OSBPL8: variants seen among roughly 807,000 people sequenced by gnomAD.
The protein encoded by OSBPL8 is oxysterol binding protein like 8.
OSBPL8 carries 59 observed loss-of-function variants against 125.5 expected under a neutral mutation model. The observed-to-expected ratio is 0.47, with a 90% CI of 0.38 to 0.58. The LOEUF (loss-of-function observed/expected upper bound fraction) is 0.58. OSBPL8 is among the 20% of genes least tolerant of loss of function. OSBPL8 has a pLI of 0.00. For synonymous variants in OSBPL8, 330 were observed against 338.9 expected, an observed-to-expected ratio of 0.97 and a Z score of 0.29; for missense variants, 758 against 1,047.8, an observed-to-expected ratio of 0.72 and a Z score of 3.82.
intron 2 of OSBPL8, among the ~76,000 whole-genome samples, chr12:76,481,007 A>C (rs528829874): frequency 6.6e-6 from 1 of 152,314 alleles, no homozygotes; most frequent in East Asian, 1.9e-4. Flanking sequence ...GGCCTAAATG[A>C]GCAGCAGGGC....
intron 1 of OSBPL8, among the ~76,000 whole-genome samples, chr12:76,518,782 C>T (rs1043446783): frequency 5.3e-5 from 8 of 152,206 alleles, no homozygotes; most frequent in Non-Finnish European, 1.2e-4. Context: ...CCCTTTGAGC[C>T]GAGGCTGGAG....
At position 76,369,100 on chromosome 12, in the gene OSBPL8, G is replaced by A. The variant is rs150032648; in HGVS notation, c.2328+114C>T. 4.9e-5 allele frequency: 66 copies of A among 1,359,774 alleles called. No individual in the cohort carries two copies. The Admixed American group carries it at 7.1e-4, about 15-fold the overall frequency. 84.2% of individuals were successfully genotyped at this position (1,359,774 alleles called of 1,614,324 possible). Reference sequence around the variant, plus strand: ...TGGGGTAAGAAGAGTTCAGAGCTGCGTATTTTGCTCACCCAAAATTTTAAA... The same window carrying A: ...TGGGGTAAGAAGAGTTCAGAGCTGCATATTTTGCTCACCCAAAATTTTAAA... On this transcript the variant is annotated intron_variant, in intron 21 of 23. Transcript: ENST00000261183.
At chr12:76,438,569 T>C (rs1227888569) in intron 4 of OSBPL8, among the ~76,000 whole-genome samples, 1 of 152,216 alleles carries the variant, frequency 6.6e-6, no homozygotes, top group African/African-American at 2.4e-5. Flanking sequence ...CTGGCAAAAT[T>C]TGAAATATTT....
At chr12:76,467,260 A>G (rs1158683241) in intron 2 of OSBPL8, among the ~76,000 whole-genome samples, 1 of 152,098 alleles carries the variant, frequency 6.6e-6, no homozygotes, top group Non-Finnish European at 1.5e-5. Context: ...ACCAGTGCTC[A>G]GCTTCAACTA....
At chr12:76,559,000 G>C (rs1951191917) in intron 1 of OSBPL8, among the ~76,000 whole-genome samples, 1 of 152,184 alleles carries the variant, frequency 6.6e-6, no homozygotes, top group African/African-American at 2.4e-5. Context: ...GCTGTCACAG[G>C]AAAGAAGGAG....
chr12:76,502,602 T>C (rs56086328), intron 1 of OSBPL8, among the ~76,000 whole-genome samples: 54 of 152,314 alleles, frequency 3.5e-4, no homozygotes, highest in Middle Eastern at 3.4e-3. Context: ...TGGGATAATA[T>C]GATGGGATAT....
chr12:76,550,771 T>A (rs1950913752), intron 1 of OSBPL8, among the ~76,000 whole-genome samples: 1 of 152,016 alleles, frequency 6.6e-6, no homozygotes. Context: ...AAATGGAAAA[T>A]TCAAGTAATT....
At position 76,352,565 on chromosome 12, in the gene OSBPL8, T is replaced by C. The variant is rs1210879071; in HGVS notation, c.*3324A>G. Reference sequence around the variant, plus strand: ...TGAAATGTAAACTTACTGATTTCTGTGGGATTTTCCCCACTGGTTCAAATT... The same window carrying C: ...TGAAATGTAAACTTACTGATTTCTGCGGGATTTTCCCCACTGGTTCAAATT... On this transcript the variant is annotated 3_prime_UTR_variant, in exon 24 of 24. Transcript: ENST00000261183. 2.6e-5 allele frequency: 4 copies of C among 152,664 alleles called. No individual in the cohort carries two copies. Among genetic ancestry groups the C allele is most frequent in the Admixed American group, 2.0e-4 (3 of 15,288 alleles). The allele number at this position is 152,664 out of a possible 1,614,324, so 9.5% of individuals were successfully genotyped here.
chr12:76,386,133 G>C (rs1953298126), intron 14 of OSBPL8, 35 bp downstream of exon 14: 2 of 1,588,090 alleles, frequency 1.3e-6, no homozygotes. Context: ...ATAACTTCCA[G>C]ATCAGTTTTG....
At chr12:76,414,956 C>T (rs1434030380) in intron 4 of OSBPL8, among the ~76,000 whole-genome samples, 1 of 152,100 alleles carries the variant, frequency 6.6e-6, no homozygotes, top group East Asian at 1.9e-4. Flanking sequence ...GATTTTCATC[C>T]AACTTAGTCA....
At chr12:76,404,688 T>C (rs1042136366) in intron 5 of OSBPL8, among the ~76,000 whole-genome samples, 3 of 152,222 alleles carry the variant, frequency 2.0e-5, no homozygotes, top group Non-Finnish European at 4.4e-5. Context: ...ATTTTTTAAA[T>C]AACATATTCT....
chr12:76,355,881 G>C lies in OSBPL8; in HGVS notation c.*8C>G. On this transcript the variant is annotated 3_prime_UTR_variant, in exon 24 of 24. Coordinates refer to ENST00000261183, the MANE Select transcript of OSBPL8 (RefSeq NM_020841.5). ...TTTCTAGTTCACTGATTCAATGGTAGAGAACTTCTACTTGAACATGAAGTT... is the reference window on the plus strand; with the variant it reads ...TTTCTAGTTCACTGATTCAATGGTACAGAACTTCTACTTGAACATGAAGTT... 2 of 1,612,808 alleles carry C rather than the reference G, an allele frequency of 1.2e-6. No individual in the cohort carries two copies. The highest frequency in any genetic ancestry group is 2.7e-5 in the African/African-American group (2 of 74,972).
At chr12:76,415,263 G>A in intron 4 of OSBPL8, among the ~76,000 whole-genome samples, 1 of 103,594 alleles carries the variant, frequency 9.7e-6, no homozygotes, top group South Asian at 2.8e-4. Flanking sequence ...TTTTTTTTTT[G>A]AGATGGAGTC....
chr12:76,509,780 A>G (rs1880790352), intron 1 of OSBPL8, among the ~76,000 whole-genome samples: 1 of 152,158 alleles, frequency 6.6e-6, no homozygotes, highest in Admixed American at 6.5e-5. Flanking sequence ...GTACAACTTT[A>G]GGAAGATGGA....
At chr12:76,545,616 G>A (rs1036204675) in intron 1 of OSBPL8, among the ~76,000 whole-genome samples, 4 of 152,144 alleles carry the variant, frequency 2.6e-5, no homozygotes, top group African/African-American at 9.7e-5. Flanking sequence ...TCTTGGGCAT[G>A]AAACAAAAAT....
At chr12:76,378,637 C>A in intron 15 of OSBPL8, 87 bp from the exon 16 acceptor site, 1 of 874,510 alleles carries the variant, frequency 1.1e-6, no homozygotes, top group Non-Finnish European at 1.8e-6. Context: ...ACCTACCAGA[C>A]ATCTACAGTA....
intron 4 of OSBPL8, among the ~76,000 whole-genome samples, chr12:76,413,724 T>C (rs1868327439): frequency 1.3e-5 from 2 of 152,190 alleles, no homozygotes; most frequent in Admixed American, 1.3e-4. Flanking sequence ...AACTTTCTCA[T>C]GTTAATTGGC....
intron 4 of OSBPL8, among the ~76,000 whole-genome samples, chr12:76,428,751 G>A (rs1387041419): frequency 6.6e-6 from 1 of 152,108 alleles, no homozygotes; most frequent in Non-Finnish European, 1.5e-5. Context: ...TACAAATTCA[G>A]CAGTAAGTTT....
At chr12:76,481,207 A>T (rs1261417955) in intron 2 of OSBPL8, among the ~76,000 whole-genome samples, 3 of 152,224 alleles carry the variant, frequency 2.0e-5, no homozygotes, top group Admixed American at 6.5e-5. Flanking sequence ...AAGAGAATAA[A>T]TTTGTGTTGT....
Sources: gnomAD v4.1 joint callset for allele counts (sites outside exome capture counted in the v4.1 genomes callset) on GRCh38, gnomAD v4.1.1 for gene constraint, MANE v1.5 for transcripts, NCBI Gene and HGNC (gene_info 2026-07-23, HGNC 2026-07-21) for gene names.